PLPP3: variants seen among roughly 807,000 people sequenced by gnomAD.
PLPP3 encodes the protein phospholipid phosphatase 3.
A neutral mutation model predicts 29.6 loss-of-function variants in PLPP3; 6 were observed. That is an observed-to-expected ratio of 0.20 (90% CI 0.11 to 0.40). PLPP3 has a LOEUF of 0.40. Ranked by LOEUF, PLPP3 falls within the 10% of genes least tolerant of loss-of-function variation. The pLI is 1.00. For synonymous variants in PLPP3, 152 were observed against 159.7 expected (o/e 0.95, Z 0.36); for missense variants, 308 against 407.7 (o/e 0.76, Z 2.11).
intron 5 of PLPP3, among the ~76,000 whole-genome samples, chr1:56,505,135 A>C (rs1645693893): frequency 6.6e-6 from 1 of 152,242 alleles, no homozygotes; most frequent in Non-Finnish European, 1.5e-5. Flanking sequence ...AAGCTCTTTA[A>C]GGACCAACTC....
rs534711920 is a variant in PLPP3 at position 56,551,311 on chromosome 1, G to C, written c.140-14199C>G. 2.6e-3 allele frequency among the ~76,000 whole-genome samples: 191 copies of C among 74,026 alleles called. 5 individuals are homozygous for C. The highest frequency in any genetic ancestry group is 7.1e-3 in the African/African-American group (158 of 22,258). 48.6% of individuals were successfully genotyped at this position (74,026 alleles called of 152,430 possible). ...GTTTGGTTCGGTTCGGTTCGGTTCG[G>C]TTCGGTTCGGTTTGGTGGTGTGCAA... On this transcript the variant is annotated intron_variant, in intron 1 of 5. Coordinates refer to ENST00000371250, the MANE Select transcript of PLPP3 (RefSeq NM_003713.5).
intron 1 of PLPP3, among the ~76,000 whole-genome samples, chr1:56,572,041 TG>T (rs1646201651): frequency 8.8e-6 from 1 of 113,636 alleles, no homozygotes; most frequent in African/African-American, 3.1e-5. Flanking sequence ...CAATCATTTC[TG>T]GTTTTTTTTT....
chr1:56,536,913 G>A, intron 2 of PLPP3, 42 bp downstream of exon 2: 2 of 1,604,386 alleles, frequency 1.2e-6, no homozygotes, highest in Non-Finnish European at 1.7e-6. Flanking sequence ...AATACAGGAA[G>A]AAGTCAGACA....
At chr1:56,507,107 G>C (rs1375014076) in intron 5 of PLPP3, among the ~76,000 whole-genome samples, 1 of 152,200 alleles carries the variant, frequency 6.6e-6, no homozygotes. Context: ...TGTGATTTTT[G>C]TCTAGACAAG....
At chr1:56,536,387 CT>C (rs1299437138) in intron 2 of PLPP3, among the ~76,000 whole-genome samples, 1 of 152,080 alleles carries the variant, frequency 6.6e-6, no homozygotes, top group African/African-American at 2.4e-5. Flanking sequence ...GACTGTTTTT[CT>C]TTTAAAGGTT....
chr1:56,547,354 A>G (rs1009347714), intron 1 of PLPP3, among the ~76,000 whole-genome samples: 6 of 152,176 alleles, frequency 3.9e-5, no homozygotes, highest in African/African-American at 7.2e-5. Flanking sequence ...GCCCCCTACC[A>G]AATACACTCT....
chr1:56,540,433 A>T (rs1371624280), intron 1 of PLPP3, among the ~76,000 whole-genome samples: 1 of 152,256 alleles, frequency 6.6e-6, no homozygotes, highest in African/African-American at 2.4e-5. Context: ...AATGAATGTT[A>T]AAAAGAGAAG....
intron 1 of PLPP3, among the ~76,000 whole-genome samples, chr1:56,557,012 G>A (rs12729377): frequency 0.27 from 2,157 of 7,898 alleles, 242 homozygotes; most frequent in Middle Eastern, 0.5. Context: ...GAAAGAAAGA[G>A]AGAGAGAGAG....
At chr1:56,565,894 T>G (rs1334653778) in intron 1 of PLPP3, among the ~76,000 whole-genome samples, 1 of 152,196 alleles carries the variant, frequency 6.6e-6, no homozygotes, top group African/African-American at 2.4e-5. Flanking sequence ...ACATCTGTAC[T>G]TACCAAGTAA....
chr1:56,503,017 A>T (rs1645678606), intron 5 of PLPP3, among the ~76,000 whole-genome samples: 1 of 152,166 alleles, frequency 6.6e-6, no homozygotes, highest in Non-Finnish European at 1.5e-5. Context: ...AAGCCTTGGG[A>T]CCTGGCTCAC....
chr1:56,548,408 T>C (rs1646018814), intron 1 of PLPP3, among the ~76,000 whole-genome samples: 1 of 152,214 alleles, frequency 6.6e-6, no homozygotes, highest in Non-Finnish European at 1.5e-5. Context: ...ATTTCCTCTC[T>C]CTGTGCTGTC....
intron 1 of PLPP3, among the ~76,000 whole-genome samples, chr1:56,571,211 T>A (rs1033451900): frequency 2.0e-5 from 3 of 152,208 alleles, no homozygotes; most frequent in African/African-American, 4.8e-5. Context: ...TAGTTCCCAT[T>A]TGTGAACCAA....
intron 5 of PLPP3, among the ~76,000 whole-genome samples, chr1:56,504,211 T>C (rs1458949438): frequency 6.6e-6 from 1 of 152,152 alleles, no homozygotes; most frequent in Admixed American, 6.5e-5. Context: ...GTGCCTGTGG[T>C]CCCAGCTAGT....
intron 4 of PLPP3, among the ~76,000 whole-genome samples, chr1:56,522,142 G>C (rs1645823286): frequency 6.6e-6 from 1 of 152,150 alleles, no homozygotes; most frequent in Admixed American, 6.5e-5. Flanking sequence ...TTTTGTTACT[G>C]AACTTCTTAG....
intron 5 of PLPP3, among the ~76,000 whole-genome samples, chr1:56,502,839 A>G (rs1645677287): frequency 6.6e-6 from 1 of 152,170 alleles, no homozygotes; most frequent in Non-Finnish European, 1.5e-5. Context: ...GAGTTCAAAA[A>G]CTGTAGCTCT....
In PLPP3 at chr1:56,496,376, A is replaced by C. The variant is rs2100213620; in HGVS notation, c.*175T>G. The C allele has an allele frequency of 1.5e-6, 1 of 651,422 alleles. No individual in the cohort carries two copies. Among genetic ancestry groups the C allele is most frequent in the Non-Finnish European group, 2.5e-6 (1 of 402,132 alleles). The allele number at this position is 651,422 out of a possible 1,614,324, so 40.4% of individuals were successfully genotyped here. On this transcript the variant is annotated 3_prime_UTR_variant, in exon 6 of 6. Transcript: ENST00000371250. ...TGTTAGTTTGCTGTTGTTTCCACAT[A>C]GGCAAACACTACCTATTTTGGAAGG...
chr1:56,562,679 T>C (rs541592226), intron 1 of PLPP3, among the ~76,000 whole-genome samples: 1 of 152,322 alleles, frequency 6.6e-6, no homozygotes, highest in South Asian at 2.1e-4. Context: ...CCAAGGTCAC[T>C]CAGCTAATAC....
In PLPP3 at chr1:56,537,016, G is replaced by C; in HGVS notation, c.236C>G (p.Thr79Ser). ...NDESIKYPLK[T>S]GETINDAVLC... ...CACAGCGTCATTTATTGTCTCACCA[G>C]TTTTCAGTGGGTACTTGATGCTCTC... Residue 79 changes from threonine to serine, a missense_variant, in exon 2 of 6, where the codon ACT (threonine) becomes AGT (serine). Physicochemically the swap from Thr to Ser is moderately conservative, Grantham distance 58 (BLOSUM62 1). This residue lies in a region of PLPP3 where 232 missense variants were observed against 317.2 expected (regional missense o/e 0.73). Coordinates refer to ENST00000371250, the MANE Select transcript of PLPP3 (RefSeq NM_003713.5). The C allele has an allele frequency of 1.2e-6, 2 of 1,613,826 alleles. No individual in the cohort carries two copies. The highest frequency in any genetic ancestry group is 1.7e-6 in the Non-Finnish European group (2 of 1,179,844).
chr1:56,557,026 A>AGAGAGAAAGAGAG (rs1646085318), intron 1 of PLPP3, among the ~76,000 whole-genome samples: 1 of 9,524 alleles, frequency 1.0e-4, no homozygotes, highest in African/African-American at 2.5e-4. Flanking sequence ...GAGAGAGAGA[A>AGAGAGAAAGAGAG]AGAGAGAGAG....
Sources: gnomAD v4.1 joint callset for allele counts (sites outside exome capture counted in the v4.1 genomes callset) on GRCh38, gnomAD v4.1.1 for gene constraint, gnomAD v4.1.1 regional missense constraint, MANE v1.5 for transcripts, NCBI Gene and HGNC (gene_info 2026-07-23, HGNC 2026-07-21) for gene names.